The following PCDHA12 variants were observed in gnomAD, a reference collection of about 807,000 sequenced individuals.
PCDHA12 encodes protocadherin alpha 12.
Under a neutral mutation model 60.0 loss-of-function variants are expected in PCDHA12, and 44 were observed. The ratio of observed to expected loss-of-function variants is 0.73; its 90% CI spans 0.58 to 0.94. The LOEUF (loss-of-function observed/expected upper bound fraction) is 0.94, where lower values mean the gene tolerates loss of function less well. Among genes scored for constraint, PCDHA12 ranks in the 40% least tolerant of loss-of-function variants. The pLI is 0.00. For missense variants in PCDHA12, 1,276 were observed against 1,239.7 expected, an observed-to-expected ratio of 1.03 and a Z score of -0.44; for synonymous variants, 569 against 553.0, an observed-to-expected ratio of 1.03 and a Z score of -0.40.
chr5:140,964,139 A>G (rs1396740282), intron 1 of PCDHA12, among the ~76,000 whole-genome samples: 1 of 152,242 alleles, frequency 6.6e-6, no homozygotes, highest in Non-Finnish European at 1.5e-5. Flanking sequence ...TAAGGTTGGC[A>G]GGAGCCTCAG....
At chr5:140,992,862 G>A (rs2097531583) in intron 3 of PCDHA12, among the ~76,000 whole-genome samples, 2 of 152,084 alleles carry the variant, frequency 1.3e-5, no homozygotes, top group Non-Finnish European at 2.9e-5. Context: ...TTTCACTCTA[G>A]CTCCCTCCTT....
rs2055991111 is a variant in PCDHA12 at position 140,875,957 on chromosome 5, T to C, written c.485T>C (p.Ile162Thr). 1.1e-5 allele frequency: 17 copies of C among 1,614,050 alleles called. No individual in the cohort carries two copies. The highest frequency in any genetic ancestry group is 1.4e-5 in the Non-Finnish European group (16 of 1,180,000). ...CTAGAGGGCGCTTCTGATGCGGATA[T>C]CGGCGTAAACTCTCTTTTGACCTAT... The part of the protein sequence containing the change: ...FPLEGASDAD[I>T]GVNSLLTYAL... The change falls in exon 1 of 4, where the codon ATC (isoleucine) becomes ACC (threonine). Residue 162 changes from isoleucine to threonine, a missense_variant. Physicochemically the swap from Ile to Thr is moderately conservative, Grantham distance 89. Coordinates refer to ENST00000398631, the MANE Select transcript of PCDHA12 (RefSeq NM_018903.4).
chr5:140,895,603 T>C (rs2065070404), intron 1 of PCDHA12, among the ~76,000 whole-genome samples: 1 of 152,156 alleles, frequency 6.6e-6, no homozygotes, highest in African/African-American at 2.4e-5. Context: ...TTTGCAAAGA[T>C]TTTCTCATTG....
intron 1 of PCDHA12, among the ~76,000 whole-genome samples, chr5:140,915,719 T>C (rs545655335): frequency 6.6e-6 from 1 of 152,074 alleles, no homozygotes; most frequent in African/African-American, 2.4e-5. Context: ...GCCCCCACTT[T>C]GGATTGTGCT....
intron 1 of PCDHA12, chr5:140,966,939 TG>T: frequency 1.2e-6 from 2 of 1,604,434 alleles, no homozygotes; most frequent in Non-Finnish European, 1.7e-6. Flanking sequence ...GGCGCGCTCG[TG>T]GGCAACGTGG....
chr5:140,920,511 A>G (rs564811520), intron 1 of PCDHA12, among the ~76,000 whole-genome samples: 1 of 152,284 alleles, frequency 6.6e-6, no homozygotes, highest in East Asian at 1.9e-4. Flanking sequence ...ATACTGTTTT[A>G]TGCAATTCGT....
At chr5:140,882,361 C>T (rs2059095511) in intron 1 of PCDHA12, 1 of 1,614,204 alleles carries the variant, frequency 6.2e-7, no homozygotes, top group Non-Finnish European at 8.5e-7. Context: ...GTGGCCAGCT[C>T]CACTACTCCG....
chr5:140,987,882 T>G (rs942974119), intron 3 of PCDHA12, among the ~76,000 whole-genome samples: 2 of 152,158 alleles, frequency 1.3e-5, no homozygotes, highest in Non-Finnish European at 2.9e-5. Flanking sequence ...ATGGACAGTT[T>G]ATGTGCCCTA....
intron 3 of PCDHA12, among the ~76,000 whole-genome samples, chr5:140,999,478 T>C (rs2097859281): frequency 6.6e-6 from 1 of 152,172 alleles, no homozygotes; most frequent in Non-Finnish European, 1.5e-5. Flanking sequence ...AGATTCCAAC[T>C]CAAGTCTATG....
chr5:140,883,483 C>A, intron 1 of PCDHA12: 1 of 1,614,196 alleles, frequency 6.2e-7, no homozygotes, highest in African/African-American at 1.3e-5. Flanking sequence ...AGAACTACTA[C>A]TCATTAGTGC....
chr5:140,943,804 G>C (rs996208541), intron 1 of PCDHA12, among the ~76,000 whole-genome samples: 2 of 152,224 alleles, frequency 1.3e-5, no homozygotes, highest in Non-Finnish European at 2.9e-5. Flanking sequence ...AGCAAAAGAG[G>C]AAAGTTTGAA....
intron 1 of PCDHA12, among the ~76,000 whole-genome samples, chr5:140,973,873 G>A (rs546928847): frequency 3.3e-5 from 5 of 152,292 alleles, no homozygotes; most frequent in African/African-American, 1.2e-4. Flanking sequence ...TGAGAGGTCA[G>A]AATAATGTCA....
intron 1 of PCDHA12, among the ~76,000 whole-genome samples, chr5:140,975,246 G>T (rs1304794782): frequency 6.6e-6 from 1 of 152,136 alleles, no homozygotes; most frequent in Non-Finnish European, 1.5e-5. Context: ...TCCCTCTTAT[G>T]CTTCAGATCT....
intron 1 of PCDHA12, among the ~76,000 whole-genome samples, chr5:140,933,127 A>G (rs1311388252): frequency 6.6e-6 from 1 of 151,992 alleles, no homozygotes; most frequent in East Asian, 1.9e-4. Flanking sequence ...AAGCTAAATA[A>G]TAAAGGTAGA....
chr5:140,985,946 A>G (rs1265124776), intron 3 of PCDHA12, among the ~76,000 whole-genome samples: 1 of 151,962 alleles, frequency 6.6e-6, no homozygotes, highest in Non-Finnish European at 1.5e-5. Flanking sequence ...TCACTGTGTT[A>G]GCCAGGATGG....
intron 3 of PCDHA12, among the ~76,000 whole-genome samples, chr5:140,994,578 A>C (rs1563601392): frequency 6.6e-6 from 1 of 151,958 alleles, no homozygotes; most frequent in Non-Finnish European, 1.5e-5. Context: ...GGTGGCATGC[A>C]CTTGTAGTCT....
In PCDHA12 at chr5:140,929,213, A is replaced by T. The variant is rs199608631; in HGVS notation, c.2368-49736A>T. On this transcript the variant is annotated intron_variant, in intron 1 of 3. Coordinates refer to ENST00000398631, the MANE Select transcript of PCDHA12 (RefSeq NM_018903.4). ...AATAACAGTTTGCTGTTGCGTGGGG[A>T]GTACAATGCTGCCGACCTGCGAAAT... 3 of 1,614,052 alleles carry T rather than the reference A, an allele frequency of 1.9e-6. No homozygotes were observed. The East Asian group carries it at 6.7e-5, about 36-fold the overall frequency.
rs1299546647 is a variant in PCDHA12 at position 140,935,314 on chromosome 5, A to T, written c.2368-43635A>T. 2.0e-5 allele frequency among the ~76,000 whole-genome samples: 3 copies of T among 152,208 alleles called. No homozygotes were observed. In the East Asian group the frequency reaches 5.8e-4, roughly 29 times the overall value. ...TCCGAGGTTTTTACTTAACTTCATC[A>T]ATCTTACATTCCTATTTCTCCCATA... On this transcript the variant is annotated intron_variant, in intron 1 of 3. Transcript: ENST00000398631.
chr5:140,894,554 G>GAAA (rs1204407145), intron 1 of PCDHA12, among the ~76,000 whole-genome samples: 2 of 151,600 alleles, frequency 1.3e-5, no homozygotes, highest in African/African-American at 4.8e-5. Context: ...GTTTACTTCT[G>GAAA]AAAAAATTAT....
Sources: gnomAD v4.1 joint callset for allele counts (sites outside exome capture counted in the v4.1 genomes callset) on GRCh38, gnomAD v4.1.1 for gene constraint, MANE v1.5 for transcripts, NCBI Gene and HGNC (gene_info 2026-07-23, HGNC 2026-07-21) for gene names.